The following PTPRD variants were observed in gnomAD, a reference collection of about 807,000 sequenced individuals.
PTPRD encodes protein tyrosine phosphatase receptor type D.
A neutral mutation model predicts 214.5 loss-of-function variants in PTPRD; 34 were observed. That is an observed-to-expected ratio of 0.16 (90% CI 0.12 to 0.21). The LOEUF is 0.21. Ranked by LOEUF, PTPRD falls within the 10% of genes least tolerant of loss-of-function variation. The pLI, the probability that PTPRD is intolerant of heterozygous loss-of-function variation, is 1.00. For synonymous variants in PTPRD, 1,128 were observed against 845.7 expected (o/e 1.33, Z -5.79); for missense variants, 2,545 against 2,398.7 (o/e 1.06, Z -1.27).
chr9:8,964,569 T>A (rs1435582593), intron 11 of PTPRD, among the ~76,000 whole-genome samples: 1 of 152,042 alleles, frequency 6.6e-6, no homozygotes, highest in African/African-American at 2.4e-5. Context: ...TTTAGCTCAA[T>A]TTTAGTTATT....
chr9:9,120,166 G>C (rs2099816256), intron 10 of PTPRD, among the ~76,000 whole-genome samples: 1 of 152,194 alleles, frequency 6.6e-6, no homozygotes, highest in African/African-American at 2.4e-5. Context: ...GTGCACATTG[G>C]CATCTTGAAG....
At chr9:8,330,596 G>C (rs538121276) in intron 44 of PTPRD, among the ~76,000 whole-genome samples, 220 of 152,036 alleles carry the variant, frequency 1.4e-3, no homozygotes, top group Middle Eastern at 3.4e-3. Flanking sequence ...CATAGATAAA[G>C]GTTTGCTTCT....
chr9:9,681,402 C>T (rs925559917), intron 7 of PTPRD, among the ~76,000 whole-genome samples: 3 of 151,664 alleles, frequency 2.0e-5, no homozygotes, highest in African/African-American at 7.3e-5. Flanking sequence ...ATTATCTCCT[C>T]TACTATTGAG....
At chr9:10,452,284 G>T (rs982744798) in intron 2 of PTPRD, among the ~76,000 whole-genome samples, 1 of 151,806 alleles carries the variant, frequency 6.6e-6, no homozygotes, top group South Asian at 2.1e-4. Context: ...CAGGGAACAT[G>T]GGGGTACAGA....
At chr9:8,745,354 T>A (rs985441162) in intron 11 of PTPRD, among the ~76,000 whole-genome samples, 2 of 152,180 alleles carry the variant, frequency 1.3e-5, no homozygotes, top group African/African-American at 2.4e-5. Flanking sequence ...CATGATTAAT[T>A]CCAAAGTGAT....
chr9:9,518,907 C>A (rs1195298238), intron 8 of PTPRD, among the ~76,000 whole-genome samples: 3 of 151,964 alleles, frequency 2.0e-5, no homozygotes, highest in Non-Finnish European at 4.4e-5. Context: ...TTTGCTCTCT[C>A]TTCTCCATAC....
At chr9:8,575,150 A>G (rs936227884) in intron 14 of PTPRD, among the ~76,000 whole-genome samples, 2 of 152,150 alleles carry the variant, frequency 1.3e-5, no homozygotes, top group African/African-American at 2.4e-5. Flanking sequence ...TTCTACTTAA[A>G]CAGAAGTTTT....
At chr9:10,516,317 C>A (rs2050088321) in intron 2 of PTPRD, among the ~76,000 whole-genome samples, 1 of 151,686 alleles carries the variant, frequency 6.6e-6, no homozygotes, top group South Asian at 2.1e-4. Flanking sequence ...CACTTCTTGA[C>A]AATTAGTGAT....
At chr9:10,145,934 T>A (rs2099019336) in intron 3 of PTPRD, among the ~76,000 whole-genome samples, 1 of 151,490 alleles carries the variant, frequency 6.6e-6, no homozygotes, top group Non-Finnish European at 1.5e-5. Context: ...ATAGTGTATA[T>A]GTATGCATGT....
At chr9:9,206,471 T>C (rs922228120) in intron 9 of PTPRD, among the ~76,000 whole-genome samples, 27 of 152,198 alleles carry the variant, frequency 1.8e-4, no homozygotes, top group African/African-American at 6.5e-4. Context: ...TTGATTGGAC[T>C]GAAGGATGCA....
chr9:9,436,888 G>C lies in PTPRD; in HGVS notation c.-236-39406C>G, dbSNP rs552779171. 3.9e-3 allele frequency among the ~76,000 whole-genome samples: 440 copies of C among 113,448 alleles called. 1 individual carries two copies. The highest frequency in any genetic ancestry group is 6.2e-3 in the Non-Finnish European group (313 of 50,092). 74.4% of individuals were successfully genotyped at this position (113,448 alleles called of 152,430 possible). ...TTATATACCAAACAAAGTTACTAAG[G>C]CAAAAAAAAAAAGCCTGTCTACGAT... On this transcript the variant is annotated intron_variant, in intron 8 of 45. Transcript: ENST00000381196.
At chr9:8,819,841 G>C (rs147906807) in intron 11 of PTPRD, among the ~76,000 whole-genome samples, 3 of 152,236 alleles carry the variant, frequency 2.0e-5, no homozygotes, top group African/African-American at 7.2e-5. Context: ...TACAATCAGA[G>C]AGCACAAAAC....
At chr9:8,967,555 C>T (rs1012254049) in intron 11 of PTPRD, among the ~76,000 whole-genome samples, 1 of 151,904 alleles carries the variant, frequency 6.6e-6, no homozygotes, top group East Asian at 1.9e-4. Context: ...TTATCCTAAG[C>T]GAATTAACAC....
intron 5 of PTPRD, among the ~76,000 whole-genome samples, chr9:9,828,695 A>C (rs1236378924): frequency 6.6e-6 from 1 of 151,860 alleles, no homozygotes; most frequent in African/African-American, 2.4e-5. Flanking sequence ...GAAAATCTAA[A>C]GGTAAGAACC....
At chr9:10,411,232 C>T (rs1407928) in intron 2 of PTPRD, among the ~76,000 whole-genome samples, 10,725 of 151,636 alleles carry the variant, frequency 0.071, 1,288 homozygotes, top group African/African-American at 0.24. Flanking sequence ...CTCTAAATCA[C>T]CTAATGAGAA....
intron 34 of PTPRD, among the ~76,000 whole-genome samples, chr9:8,446,474 A>G (rs945468495): frequency 6.6e-6 from 1 of 152,162 alleles, no homozygotes; most frequent in African/African-American, 2.4e-5. Context: ...TTTGTTTGCT[A>G]TTTTATCATT....
chr9:9,242,903 G>T (rs1247020833), intron 9 of PTPRD, among the ~76,000 whole-genome samples: 2 of 152,034 alleles, frequency 1.3e-5, no homozygotes, highest in African/African-American at 4.8e-5. Context: ...TCCTTTGGAG[G>T]AGAAGAGTTG....
intron 2 of PTPRD, among the ~76,000 whole-genome samples, chr9:10,479,717 T>G (rs1297821436): frequency 2.7e-5 from 4 of 149,936 alleles, no homozygotes; most frequent in Non-Finnish European, 5.9e-5. Context: ...CCCAGCTACT[T>G]GGGAGGCTGA....
At position 8,315,529 on chromosome 9, in the gene PTPRD, A is replaced by T. The variant is rs1316517185; in HGVS notation, c.*2345T>A. On this transcript the variant is annotated 3_prime_UTR_variant, in exon 46 of 46. Transcript: ENST00000381196. Reference sequence around the variant, plus strand: ...TCTCCAAAAAGATACAAACTAAAAGAAAATAATGATAACAGACCCACATAG... The same window carrying T: ...TCTCCAAAAAGATACAAACTAAAAGTAAATAATGATAACAGACCCACATAG... 4 of 231,748 alleles carry T rather than the reference A, an allele frequency of 1.7e-5. No homozygotes were observed. The highest frequency in any genetic ancestry group is 8.8e-5 in the African/African-American group (4 of 45,236). The allele number at this position is 231,748 out of a possible 1,614,324, so 14.4% of individuals were successfully genotyped here. A position where few individuals can be genotyped will look rare whatever the true frequency, so the allele number is the denominator to read the frequency against.
Sources: allele counts gnomAD v4.1 joint callset (sites outside exome capture counted in the v4.1 genomes callset), GRCh38; gene constraint gnomAD v4.1.1; transcripts MANE v1.5; gene names NCBI Gene and HGNC (gene_info 2026-07-23, HGNC 2026-07-21).